The following IL12RB1 variants were observed in gnomAD, a reference collection of about 807,000 sequenced individuals.
IL12RB1 encodes interleukin-12 receptor subunit beta-1.
IL12RB1 carries 64 observed loss-of-function variants against 94.4 expected under a neutral mutation model. That is an observed-to-expected ratio of 0.68 (90% CI 0.55 to 0.83). IL12RB1 has a LOEUF of 0.83. Ranked by LOEUF, IL12RB1 falls within the 40% of genes least tolerant of loss-of-function variation. The probability of loss-of-function intolerance (pLI) is 0.00; values close to 1 mark genes in which losing one functional copy is unlikely to be tolerated. For synonymous variants in IL12RB1, 362 were observed against 355.5 expected (o/e 1.02, Z -0.21); for missense variants, 814 against 855.6 (o/e 0.95, Z 0.61).
chr19:18,094,264 G>T lies in IL12RB1; in HGVS notation c.-229-3495C>A, dbSNP rs1175972041. ...CTGCCTCAGCCCCCCGAGTAGCGGG[G>T]ATTACAGGCGTGCCCCATTACGCCC... is the stretch of plus-strand genomic sequence containing the variant. On this transcript the variant is annotated intron_variant, in intron 1 of 4. Coordinates refer to the IL12RB1 transcript ENST00000594176. 3.3e-5 allele frequency among the ~76,000 whole-genome samples: 5 copies of T among 152,302 alleles called. No individual in the cohort carries two copies. The South Asian group carries it at 1.0e-3, about 32-fold the overall frequency.
intron 11 of IL12RB1, 72 bp downstream of exon 11, chr19:18,068,317 T>C (rs1254686909): frequency 1.6e-6 from 2 of 1,274,120 alleles, no homozygotes; most frequent in South Asian, 2.9e-5. Flanking sequence ...TGAGTCACTG[T>C]GCCCAGCCTC....
chr19:18,068,750 C>CTTTT (rs34731245), intron 10 of IL12RB1, among the ~76,000 whole-genome samples: 1 of 126,630 alleles, frequency 7.9e-6, no homozygotes, highest in Non-Finnish European at 1.7e-5. Context: ...ACCAGGGCTT[C>CTTTT]TTTTTTTTTT....
At chr19:18,086,224 GTAAATAAA>G (rs71833814) in intron 1 of IL12RB1, among the ~76,000 whole-genome samples, 24,443 of 140,558 alleles carry the variant, frequency 0.17, 2,355 homozygotes, top group African/African-American at 0.24. Context: ...CCCTACCTCA[GTAAATAAA>G]TAAATAAATA....
chr19:18,080,894 T>C lies in IL12RB1; in HGVS notation c.347A>G (p.Glu116Gly). The change falls in exon 4 of 17, where the codon GAA (glutamate) becomes GGA (glycine). Residue 116 changes from glutamate to glycine, a missense_variant. Glu to Gly is a moderately conservative substitution (Grantham distance 98). Transcript: ENST00000593993. ...CTCTGTCTGGTTCCTGGCCCAGGAT[T>C]CCACCCAGAGTGTGACAGTGTACAG... ...SVLYTVTLWV[E>G]SWARNQTEKS... 6.2e-7 allele frequency: 1 copy of C among 1,612,634 alleles called. No individual in the cohort carries two copies.
chr19:18,080,842 G>GAGCT lies in IL12RB1; in HGVS notation c.395_398dup (p.Tyr134AlafsTer6). ...GAACAAGGTGCTAACCTGAGTTGTA[G>GAGCT]AGCTGCAGGGTCACCTCAGGAGACT... On this transcript the variant is annotated frameshift_variant, in exon 4 of 17. Transcript: ENST00000593993. LOFTEE classifies it high-confidence loss of function. 2 of 1,607,126 alleles carry GAGCT rather than the reference G, an allele frequency of 1.2e-6. No homozygotes were observed. The highest frequency in any genetic ancestry group is 1.7e-5 in the Admixed American group (1 of 59,996).
chr19:18,072,285 C>G lies in IL12RB1; in HGVS notation c.848G>C (p.Arg283Pro), dbSNP rs117511121. The G allele has an allele frequency of 6.2e-7, 1 of 1,613,994 alleles. No homozygotes were observed. The highest frequency in any genetic ancestry group is 2.2e-5 in the East Asian group (1 of 44,868). ...GCAGGACAGCATGTGGAGCTGTAGT[C>G]GGTAAGTGACCTCCGTGCCAGGCGC... ...GLAPGTEVTY[R>P]LQLHMLSCPC... Residue 283 changes from arginine (R) to proline (P), a missense_variant, in exon 9 of 17, where the codon CGA (arginine) becomes CCA (proline). Transcript: ENST00000593993.
Position 18,076,322 on chromosome 19 carries a change from G to A in IL12RB1, c.555C>T (p.Asp185=), listed in dbSNP as rs2035477949. 1 of 1,415,596 alleles carries A rather than the reference G, an allele frequency of 7.1e-7. No homozygotes were observed. Among genetic ancestry groups the A allele is most frequent in the Non-Finnish European group, 1.0e-6 (1 of 998,742 alleles). 87.7% of individuals were successfully genotyped at this position (1,415,596 alleles called of 1,614,324 possible). A position where few individuals can be genotyped will look rare whatever the true frequency, so the allele number is the denominator to read the frequency against. The change falls in exon 6 of 17, where the codon GAC becomes GAT. Residue 185 remains aspartate (D), a synonymous_variant. Coordinates refer to ENST00000593993, the MANE Select transcript of IL12RB1 (RefSeq NM_005535.3). ...RTPSSPWKLG[D]CGPQDDDTES... ...CAGTATCATCATCCTGAGGTCCGCA[G>A]TCGCCCTAGAATAAAAACATATTCA... is the stretch of plus-strand genomic sequence containing the variant.
chr19:18,076,150 C>T (rs746630650), intron 6 of IL12RB1, 147 bp downstream of exon 6: 29 of 703,996 alleles, frequency 4.1e-5, no homozygotes, highest in Middle Eastern at 2.4e-4. Flanking sequence ...GTTTCCCCAC[C>T]TGCAATTTGG....
chr19:18,077,356 C>T (rs532447046), intron 5 of IL12RB1, among the ~76,000 whole-genome samples, 160 bp downstream of exon 5: 3 of 150,418 alleles, frequency 2.0e-5, no homozygotes, highest in South Asian at 4.2e-4. Flanking sequence ...AGCAAGGCTC[C>T]GTCTCAGAAA....
At chr19:18,063,795 G>T in intron 13 of IL12RB1, 81 bp downstream of exon 13, 1 of 1,319,484 alleles carries the variant, frequency 7.6e-7, no homozygotes, top group Non-Finnish European at 1.1e-6. Flanking sequence ...TGAGAGTGAG[G>T]GCAGGGCTGC....
At chr19:18,083,578 A>G in intron 1 of IL12RB1, 87 bp from the exon 2 acceptor site, 1 of 1,335,044 alleles carries the variant, frequency 7.5e-7, no homozygotes, top group Admixed American at 1.8e-5. Flanking sequence ...CACCCAAGTG[A>G]TCATCAGCCC....
chr19:18,060,754 T>C (rs183662348), intron 15 of IL12RB1, among the ~76,000 whole-genome samples: 1 of 152,196 alleles, frequency 6.6e-6, no homozygotes, highest in African/African-American at 2.4e-5. Context: ...CTGAGACTTT[T>C]GCCCCAGTTA....
intron 2 of IL12RB1, 24 bp from the exon 3 acceptor site, chr19:18,082,288 G>A (rs1281293409): frequency 1.0e-5 from 15 of 1,437,704 alleles, no homozygotes; most frequent in Non-Finnish European, 1.5e-5. Context: ...TGTAGGCTTG[G>A]GAACAGACCA....
In IL12RB1 at chr19:18,083,433, T is replaced by C. The variant is rs1483086419; in HGVS notation, c.123A>G (p.Ser41=). The change falls in exon 2 of 17, where the codon TCA becomes TCG. Residue 41 remains serine, a splice_region_variant and synonymous_variant. Coordinates refer to ENST00000593993, the MANE Select transcript of IL12RB1 (RefSeq NM_005535.3). ...FQDPPYPDAD[S]GSASGPRDLR... ...CAACAATGAGGAACTGCCCCGAACC[T>C]GAGTCTGCATCCGGATATGGCGGGT... The C allele has an allele frequency of 6.2e-7, 1 of 1,614,000 alleles. No homozygotes were observed.
chr19:18,065,339 A>G (rs1340896758), intron 12 of IL12RB1, among the ~76,000 whole-genome samples: 1 of 152,114 alleles, frequency 6.6e-6, no homozygotes, highest in East Asian at 1.9e-4. Flanking sequence ...CTGCTGCTAC[A>G]TGTGAGGGGC....
upstream of IL12RB1, among the ~76,000 whole-genome samples, chr19:18,091,946 AGCTCACTATAACCTCC>A (rs2036650132): frequency 6.9e-6 from 1 of 145,578 alleles, no homozygotes; most frequent in Non-Finnish European, 1.5e-5. Flanking sequence ...GTGCGATTTC[AGCTCACTATAACCTCC>A]GCCTCCTGAG....
intron 3 of IL12RB1, among the ~76,000 whole-genome samples, chr19:18,081,901 T>C (rs963699069): frequency 5.3e-5 from 8 of 151,514 alleles, no homozygotes; most frequent in Non-Finnish European, 1.2e-4. Context: ...GATGGGTGGA[T>C]AAGTGAAAGG....
At chr19:18,083,910 C>T (rs960420478) in intron 1 of IL12RB1, among the ~76,000 whole-genome samples, 7 of 147,274 alleles carry the variant, frequency 4.8e-5, no homozygotes, top group African/African-American at 1.8e-4. Flanking sequence ...CATCCATCCA[C>T]CCATCTATCC....
chr19:18,092,488 C>G (rs146210049), intron 1 of IL12RB1, among the ~76,000 whole-genome samples: 3,641 of 151,310 alleles, frequency 0.024, 62 homozygotes, highest in Non-Finnish European at 0.031. Flanking sequence ...GAAATTCTGT[C>G]TCAAAAAAAT....
Sources: allele counts gnomAD v4.1 joint callset (sites outside exome capture counted in the v4.1 genomes callset), GRCh38; gene constraint gnomAD v4.1.1; transcripts MANE v1.5; gene names NCBI Gene and HGNC (gene_info 2026-07-23, HGNC 2026-07-21).